Variants in LINGO2 observed in about 807,000 individuals in gnomAD.
The protein encoded by LINGO2 is leucine rich repeat and Ig domain containing 2.
LINGO2 carries 14 observed loss-of-function variants against 30.6 expected under a neutral mutation model. That is an observed-to-expected ratio of 0.46 (90% CI 0.30 to 0.72). LINGO2 has a LOEUF of 0.72. Among genes scored for constraint, LINGO2 ranks in the 30% least tolerant of loss-of-function variants. The pLI, the probability that LINGO2 is intolerant of heterozygous loss-of-function variation, is 0.07. For synonymous variants in LINGO2, 317 were observed against 288.5 expected, an observed-to-expected ratio of 1.10 and a Z score of -1.00; for missense variants, 729 against 751.7, an observed-to-expected ratio of 0.97 and a Z score of 0.35.
intron 2 of LINGO2, among the ~76,000 whole-genome samples, chr9:28,387,020 A>G (rs10738795): frequency 0.96 from 146,757 of 152,262 alleles, 70,744 homozygotes; most frequent in Middle Eastern, 0.99. Flanking sequence ...CTAATATAGC[A>G]TTGAGAGGTG....
At chr9:28,016,305 A>AT (rs1822833935) in intron 4 of LINGO2, among the ~76,000 whole-genome samples, 6 of 152,136 alleles carry the variant, frequency 3.9e-5, no homozygotes, top group Non-Finnish European at 7.3e-5. Flanking sequence ...TCCGTTGCAG[A>AT]TCCCACCACT....
intron 5 of LINGO2, among the ~76,000 whole-genome samples, chr9:27,981,551 G>GAAAAAAAAAAAAAAAA (rs1279785343): frequency 3.4e-5 from 3 of 87,144 alleles, no homozygotes; most frequent in African/African-American, 4.2e-5. Context: ...AAAAAAAAAA[G>GAAAAAAAAAAAAAAAA]AAAAAAAAGA....
chr9:28,570,260 A>G (rs2135589291), intron 1 of LINGO2, among the ~76,000 whole-genome samples: 1 of 152,094 alleles, frequency 6.6e-6, no homozygotes, highest in South Asian at 2.1e-4. Context: ...AATGGTTTAG[A>G]TAATTTCTAC....
chr9:29,056,857 C>A, the LINGO2 span, among the ~76,000 whole-genome samples: 1 of 152,210 alleles, frequency 6.6e-6, no homozygotes, highest in Non-Finnish European at 1.5e-5. Flanking sequence ...TTTTTCCTCA[C>A]TTTACATCTT....
At chr9:29,095,455 C>T in the LINGO2 span, among the ~76,000 whole-genome samples, 718 of 137,382 alleles carry the variant, frequency 5.2e-3, 117 homozygotes, top group African/African-American at 0.019. Context: ...ATAATAAACA[C>T]AACAAAACAC....
At chr9:28,479,906 CGTAG>C (rs1825876844) in intron 1 of LINGO2, among the ~76,000 whole-genome samples, 2 of 98,132 alleles carry the variant, frequency 2.0e-5, no homozygotes, top group African/African-American at 3.9e-5. Flanking sequence ...TGTATATATA[CGTAG>C]GTATATATAT....
intron 5 of LINGO2, among the ~76,000 whole-genome samples, chr9:27,957,357 A>C (rs922771136): frequency 6.6e-6 from 1 of 152,020 alleles, no homozygotes; most frequent in Non-Finnish European, 1.5e-5. Flanking sequence ...GAGGTGGCGC[A>C]ATCTTGGCTC....
chr9:29,182,008 C>G, the LINGO2 span, among the ~76,000 whole-genome samples: 11 of 152,292 alleles, frequency 7.2e-5, no homozygotes, highest in Admixed American at 5.9e-4. Context: ...GCATAGTACA[C>G]AGCCTACATG....
chr9:28,261,120 A>G (rs920930400), intron 4 of LINGO2, among the ~76,000 whole-genome samples: 12 of 152,014 alleles, frequency 7.9e-5, no homozygotes, highest in African/African-American at 2.2e-4. Flanking sequence ...AGATTAAATT[A>G]TTATGTAAAA....
the LINGO2 span, among the ~76,000 whole-genome samples, chr9:28,726,346 T>A: frequency 6.6e-6 from 1 of 152,062 alleles, no homozygotes. Context: ...AGGAAAATAA[T>A]AAGTTGCAAC....
the LINGO2 span, among the ~76,000 whole-genome samples, chr9:29,094,271 C>T: frequency 2.2e-5 from 3 of 138,774 alleles, 1 homozygote; most frequent in Admixed American, 2.2e-4. Context: ...ATTTAACCCT[C>T]TTTATAAATA....
At chr9:28,575,656 A>G (rs921056471) in intron 1 of LINGO2, among the ~76,000 whole-genome samples, 60 of 152,222 alleles carry the variant, frequency 3.9e-4, no homozygotes, top group African/African-American at 1.4e-3. Context: ...CAATTTACCC[A>G]TATAACAAAC....
intron 1 of LINGO2, among the ~76,000 whole-genome samples, chr9:28,492,004 T>C (rs532470388): frequency 2.9e-4 from 44 of 152,324 alleles, no homozygotes; most frequent in African/African-American, 9.9e-4. Context: ...AAAGAGGAGA[T>C]AGATCTTTCT....
chr9:27,984,108 AT>A (rs1821014403), intron 5 of LINGO2, among the ~76,000 whole-genome samples: 1 of 151,850 alleles, frequency 6.6e-6, no homozygotes, highest in South Asian at 2.1e-4. Context: ...GAAAAACAAG[AT>A]TTTAAGATTA....
At chr9:28,045,454 TTG>T (rs932400132) in intron 4 of LINGO2, among the ~76,000 whole-genome samples, 3 of 152,196 alleles carry the variant, frequency 2.0e-5, no homozygotes, top group Non-Finnish European at 2.9e-5. Context: ...TATCTGAATG[TTG>T]TGTAATTTGA....
the LINGO2 span, chr9:27,938,973 A>C: frequency 6.6e-6 from 1 of 152,174 alleles, no homozygotes; most frequent in Non-Finnish European, 1.5e-5. Flanking sequence ...TAGATTCCTG[A>C]ATATTTTGAG....
chr9:28,133,651 G>A (rs2133454541), intron 4 of LINGO2, among the ~76,000 whole-genome samples: 1 of 152,294 alleles, frequency 6.6e-6, no homozygotes, highest in Non-Finnish European at 1.5e-5. Flanking sequence ...TGGGCAGCTT[G>A]GAGGCGGGGT....
chr9:28,408,506 A>C (rs1789448813), intron 2 of LINGO2, among the ~76,000 whole-genome samples: 1 of 151,938 alleles, frequency 6.6e-6, no homozygotes, highest in Non-Finnish European at 1.5e-5. Context: ...CATTCTCAGC[A>C]AACTATCGCA....
chr9:28,443,929 T>G (rs1824302654), intron 2 of LINGO2, among the ~76,000 whole-genome samples: 1 of 151,784 alleles, frequency 6.6e-6, no homozygotes, highest in Non-Finnish European at 1.5e-5. Flanking sequence ...TGACCTGGAG[T>G]GAGAACTTAT....
Sources: gnomAD v4.1 joint callset for allele counts (sites outside exome capture counted in the v4.1 genomes callset) on GRCh38, gnomAD v4.1.1 for gene constraint, MANE v1.5 for transcripts, NCBI Gene and HGNC (gene_info 2026-07-23, HGNC 2026-07-21) for gene names.